Variants in PLXDC2 observed in about 807,000 individuals in gnomAD.
PLXDC2 encodes plexin domain containing 2, also known as plexin domain-containing protein 2.
In PLXDC2, 40 loss-of-function variants were observed where a neutral mutation model predicts 68.9. The ratio of observed to expected loss-of-function variants is 0.58; its 90% CI spans 0.45 to 0.76. PLXDC2 has a LOEUF of 0.76. Among genes scored for constraint, PLXDC2 ranks in the 30% least tolerant of loss-of-function variants. The pLI is 0.00. For missense variants in PLXDC2, 644 were observed against 661.9 expected, an observed-to-expected ratio of 0.97 and a Z score of 0.30; for synonymous variants, 243 against 234.2, an observed-to-expected ratio of 1.04 and a Z score of -0.34.
intron 1 of PLXDC2, among the ~76,000 whole-genome samples, chr10:19,823,134 T>C (rs1836504408): frequency 2.0e-5 from 3 of 151,992 alleles, no homozygotes; most frequent in African/African-American, 7.3e-5. Context: ...GCCAGGATGG[T>C]CTCGATCTCC....
At chr10:20,260,184 T>C (rs78332153) in intron 13 of PLXDC2, among the ~76,000 whole-genome samples, 1 of 152,212 alleles carries the variant, frequency 6.6e-6, no homozygotes, top group Admixed American at 6.5e-5. Context: ...TCTATAGATA[T>C]CATTTTTGTG....
chr10:20,191,001 A>G (rs755665183), intron 9 of PLXDC2, among the ~76,000 whole-genome samples: 2 of 151,890 alleles, frequency 1.3e-5, no homozygotes, highest in South Asian at 2.1e-4. Context: ...CGGAGATGCA[A>G]TCTTACCCGT....
intron 13 of PLXDC2, among the ~76,000 whole-genome samples, chr10:20,256,239 ACTCCT>A (rs1835740698): frequency 6.6e-6 from 1 of 151,320 alleles, no homozygotes; most frequent in Non-Finnish European, 1.5e-5. Context: ...TTCAAGCAAT[ACTCCT>A]GCCTCAGCCT....
In PLXDC2 at chr10:20,283,979, A is replaced by G. The variant is rs1436309247; in HGVS notation, c.*4160A>G. 6.6e-6 allele frequency: 1 copy of G among 152,182 alleles called. No individual in the cohort carries two copies. Among genetic ancestry groups the G allele is most frequent in the African/African-American group, 2.4e-5 (1 of 41,442 alleles). 9.4% of individuals were successfully genotyped at this position (152,182 alleles called of 1,614,324 possible). On this transcript the variant is annotated 3_prime_UTR_variant, in exon 14 of 14. Transcript: ENST00000377252. ...TTTTCGCAACAGATTCTTATGTTAC[A>G]TCTTCATGAGGGAGTATAAATTTGA...
Position 20,284,580 on chromosome 10 carries a change from C to T in PLXDC2, c.*4761C>T, listed in dbSNP as rs1836127013. ...CTCCAGCCTGGGCAACAGAGCAAAACCCCATCTCTAAATAAAAAAAAAGAA... is the reference window on the plus strand; with the variant it reads ...CTCCAGCCTGGGCAACAGAGCAAAATCCCATCTCTAAATAAAAAAAAAGAA... On this transcript the variant is annotated 3_prime_UTR_variant, in exon 14 of 14. Coordinates refer to ENST00000377252, the MANE Select transcript of PLXDC2 (RefSeq NM_032812.9). The T allele has an allele frequency of 6.6e-6, 1 of 151,564 alleles. No homozygotes were observed. The highest frequency in any genetic ancestry group is 2.1e-4 in the South Asian group (1 of 4,798). 9.4% of individuals were successfully genotyped at this position (151,564 alleles called of 1,614,324 possible).
chr10:19,910,197 T>A (rs1037133700), intron 1 of PLXDC2, among the ~76,000 whole-genome samples: 1 of 149,826 alleles, frequency 6.7e-6, no homozygotes, highest in Non-Finnish European at 1.5e-5. Flanking sequence ...TATATATATG[T>A]CTGCAAGTTC....
chr10:20,088,884 G>A (rs1267520385), intron 4 of PLXDC2, among the ~76,000 whole-genome samples: 1 of 152,120 alleles, frequency 6.6e-6, no homozygotes, highest in African/African-American at 2.4e-5. Flanking sequence ...CTATGATTTA[G>A]GAGTATTAAT....
intron 1 of PLXDC2, among the ~76,000 whole-genome samples, chr10:19,875,495 C>T (rs1257934749): frequency 6.6e-6 from 1 of 152,116 alleles, no homozygotes; most frequent in African/African-American, 2.4e-5. Flanking sequence ...CAGCTAACGA[C>T]CTTGATAATT....
intron 9 of PLXDC2, among the ~76,000 whole-genome samples, chr10:20,186,990 T>C (rs1299592161): frequency 6.6e-6 from 1 of 151,792 alleles, no homozygotes; most frequent in Non-Finnish European, 1.5e-5. Context: ...TGGCTTTCTG[T>C]GTCAGGAGGT....
At chr10:20,211,327 G>A (rs1835066384) in intron 9 of PLXDC2, among the ~76,000 whole-genome samples, 3 of 152,058 alleles carry the variant, frequency 2.0e-5, no homozygotes, top group Admixed American at 6.6e-5. Flanking sequence ...TTTTAATGAT[G>A]AGAAAAAAAA....
chr10:20,222,887 C>G (rs1835232417), intron 12 of PLXDC2, among the ~76,000 whole-genome samples: 1 of 152,044 alleles, frequency 6.6e-6, no homozygotes, highest in African/African-American at 2.4e-5. Context: ...TTATCTCCAA[C>G]TGAAATATTT....
intron 4 of PLXDC2, among the ~76,000 whole-genome samples, chr10:20,072,628 C>T (rs558755593): frequency 6.6e-6 from 1 of 152,256 alleles, no homozygotes; most frequent in South Asian, 2.1e-4. Flanking sequence ...CTGGCCTGAT[C>T]TGTCAGTGGA....
In PLXDC2 at chr10:20,151,033, ATTTAC is replaced by A. The variant is rs377255771; in HGVS notation, c.783+3141_783+3145del. Among the ~76,000 whole-genome samples, 174 of 152,078 alleles carry A rather than the reference ATTTAC, an allele frequency of 1.1e-3. 2 individuals carry two copies. The highest frequency in any genetic ancestry group is 4.0e-3 in the African/African-American group (167 of 41,500). On this transcript the variant is annotated intron_variant, in intron 6 of 13. Transcript: ENST00000377252. ...TCAAAGAAGTCATTTTTACTTTATT[ATTTAC>A]TTTACTTTATTATTTGCCTTTCTGT...
chr10:19,869,468 A>AGGGGGGGGGGG (rs555686208), intron 1 of PLXDC2, among the ~76,000 whole-genome samples: 1 of 44,598 alleles, frequency 2.2e-5, no homozygotes, highest in Non-Finnish European at 3.7e-5. Flanking sequence ...AGAGAGAGAA[A>AGGGGGGGGGGG]GGGGGGGGGG....
chr10:20,086,143 C>T (rs983013391), intron 4 of PLXDC2, among the ~76,000 whole-genome samples: 2 of 151,966 alleles, frequency 1.3e-5, no homozygotes, highest in South Asian at 4.1e-4. Context: ...GGTTTGTGGT[C>T]TGATGGTATT....
chr10:19,817,865 A>C (rs12257233), intron 1 of PLXDC2, among the ~76,000 whole-genome samples: 6 of 152,026 alleles, frequency 3.9e-5, no homozygotes, highest in Admixed American at 6.5e-5. Flanking sequence ...ACGCGCAGAG[A>C]GTTCCTTGGA....
intron 1 of PLXDC2, among the ~76,000 whole-genome samples, chr10:19,841,583 A>G (rs952107054): frequency 4.3e-5 from 6 of 140,364 alleles, no homozygotes; most frequent in South Asian, 2.2e-4. Context: ...TCTATCTATC[A>G]TCTTTTCCCC....
intron 1 of PLXDC2, among the ~76,000 whole-genome samples, chr10:19,915,368 A>G (rs1833346948): frequency 6.6e-6 from 1 of 152,198 alleles, no homozygotes; most frequent in African/African-American, 2.4e-5. Context: ...ATATTTTGGC[A>G]CTTCAAATGA....
At position 19,816,857 on chromosome 10, in the gene PLXDC2, T is replaced by A. The variant is rs74119748; in HGVS notation, c.-223T>A. On this transcript the variant is annotated 5_prime_UTR_variant, in exon 1 of 14. Coordinates refer to ENST00000377252, the MANE Select transcript of PLXDC2 (RefSeq NM_032812.9). ...GGTGAGGGCTGCGAGTGTGGCAAGTTGCAAAGAGAGCCTCAGAGGTCCGAA... is the reference window on the plus strand; with the variant it reads ...GGTGAGGGCTGCGAGTGTGGCAAGTAGCAAAGAGAGCCTCAGAGGTCCGAA... 3.5e-3 allele frequency: 2,001 copies of A among 578,572 alleles called. 28 individuals are homozygous for A. Among genetic ancestry groups the A allele is most frequent in the African/African-American group, 0.034 (1,839 of 53,386 alleles). 35.8% of individuals were successfully genotyped at this position (578,572 alleles called of 1,614,324 possible).
Sources: gnomAD v4.1 joint callset for allele counts (sites outside exome capture counted in the v4.1 genomes callset) on GRCh38, gnomAD v4.1.1 for gene constraint, MANE v1.5 for transcripts, NCBI Gene and HGNC (gene_info 2026-07-23, HGNC 2026-07-21) for gene names.